TTC7B: variants seen among roughly 807,000 people sequenced by gnomAD.
TTC7B encodes the protein tetratricopeptide repeat domain 7B.
Under a neutral mutation model 106.8 loss-of-function variants are expected in TTC7B, and 28 were observed. That is an observed-to-expected ratio of 0.26 (90% CI 0.19 to 0.36). The LOEUF (loss-of-function observed/expected upper bound fraction) is 0.36. Ranked by LOEUF, TTC7B falls within the 10% of genes least tolerant of loss-of-function variation. TTC7B has a pLI of 1.00. For missense variants in TTC7B, 862 were observed against 1,076.4 expected (o/e 0.80, Z 2.79); for synonymous variants, 405 against 430.6 (o/e 0.94, Z 0.74).
At chr14:90,748,341 T>C (rs1033820871) in intron 3 of TTC7B, among the ~76,000 whole-genome samples, 2 of 152,196 alleles carry the variant, frequency 1.3e-5, no homozygotes, top group African/African-American at 4.8e-5. Context: ...TTTGTTTTGT[T>C]TGTTTGGGAC....
At chr14:90,735,479 C>G (rs1379267547) in intron 4 of TTC7B, among the ~76,000 whole-genome samples, 1 of 151,460 alleles carries the variant, frequency 6.6e-6, no homozygotes. Context: ...TGCACTCCAG[C>G]CTGGGTGACA....
intron 18 of TTC7B, among the ~76,000 whole-genome samples, chr14:90,590,075 G>T (rs1050615314): frequency 1.3e-5 from 2 of 152,186 alleles, no homozygotes; most frequent in African/African-American, 4.8e-5. Flanking sequence ...GACAGTGGTT[G>T]CCTGTGGTGG....
intron 4 of TTC7B, among the ~76,000 whole-genome samples, chr14:90,731,385 A>T (rs903354573): frequency 1.3e-5 from 2 of 152,238 alleles, no homozygotes; most frequent in African/African-American, 4.8e-5. Context: ...CAAAAGACCC[A>T]GTTGTTTGCC....
chr14:90,711,526 A>G (rs1888445921), intron 5 of TTC7B, among the ~76,000 whole-genome samples: 1 of 152,200 alleles, frequency 6.6e-6, no homozygotes, highest in African/African-American at 2.4e-5. Context: ...GGTTCAAGCA[A>G]TTCTCATGCC....
chr14:90,757,310 G>A lies in TTC7B; in HGVS notation c.446-12388C>T, dbSNP rs958255351. On this transcript the variant is annotated intron_variant, in intron 3 of 19. Transcript: ENST00000328459. This position sits in a 1 kb window ranked among gnomAD's most constrained non-coding sequence, Gnocchi z 4.1. ...AAATGAAAAGCAGTCCTGGCGCGGT[G>A]GCTCACATCTGTATTCCCAGCACTT... 3.9e-5 allele frequency among the ~76,000 whole-genome samples: 6 copies of A among 152,166 alleles called. No homozygotes were observed. The highest frequency in any genetic ancestry group is 1.4e-4 in the African/African-American group (6 of 41,422).
chr14:90,780,669 T>C (rs926956153), intron 3 of TTC7B, 69 bp downstream of exon 3: 5 of 1,536,428 alleles, frequency 3.3e-6, no homozygotes, highest in South Asian at 2.5e-5. Flanking sequence ...AAGGGTCAAA[T>C]AGGCAGCTCC....
intron 3 of TTC7B, chr14:90,767,019 T>C: frequency 1.1e-6 from 1 of 879,470 alleles, no homozygotes; most frequent in Admixed American, 3.0e-5. Context: ...TAATAAATAG[T>C]TTATATACCA....
chr14:90,605,810 A>T, intron 17 of TTC7B: 1 of 1,187,232 alleles, frequency 8.4e-7, no homozygotes, highest in Non-Finnish European at 1.1e-6. Context: ...AAACTTTAGA[A>T]ACACAAAGAA....
intron 4 of TTC7B, among the ~76,000 whole-genome samples, chr14:90,737,879 G>A (rs1200627896): frequency 6.6e-6 from 1 of 152,110 alleles, no homozygotes; most frequent in Non-Finnish European, 1.5e-5. Flanking sequence ...TCTATGAAAT[G>A]TCCAGAATAT....
intron 9 of TTC7B, among the ~76,000 whole-genome samples, chr14:90,665,429 A>G (rs753975391): frequency 2.6e-5 from 4 of 152,210 alleles, no homozygotes; most frequent in Non-Finnish European, 5.9e-5. Flanking sequence ...TAAATCAGCC[A>G]TCTCTGAGGG....
intron 5 of TTC7B, among the ~76,000 whole-genome samples, chr14:90,724,055 C>A (rs910194922): frequency 2.6e-5 from 4 of 152,170 alleles, no homozygotes; most frequent in African/African-American, 9.7e-5. Flanking sequence ...ACAGTTCTAA[C>A]TCCACACTCT....
chr14:90,619,623 C>G (rs767316894), intron 15 of TTC7B, among the ~76,000 whole-genome samples: 10 of 152,162 alleles, frequency 6.6e-5, no homozygotes, highest in Non-Finnish European at 1.2e-4. Flanking sequence ...ACGTGCCAGG[C>G]CTTGTGTTTG....
intron 3 of TTC7B, among the ~76,000 whole-genome samples, chr14:90,750,710 T>C (rs1364665194): frequency 6.6e-6 from 1 of 152,252 alleles, no homozygotes; most frequent in Non-Finnish European, 1.5e-5. Context: ...AAGTCCATTC[T>C]TGAGCAGAAG....
At chr14:90,625,160 G>A (rs959516350) in intron 15 of TTC7B, among the ~76,000 whole-genome samples, 3 of 152,212 alleles carry the variant, frequency 2.0e-5, no homozygotes, top group Non-Finnish European at 4.4e-5. Context: ...AACTTGAGAA[G>A]GCTGTTTGGC....
Position 90,608,592 on chromosome 14 carries a change from A to C in TTC7B, c.1966+2150T>G, listed in dbSNP as rs1288101002. Among the ~76,000 whole-genome samples the C allele has an allele frequency of 6.6e-6, 1 of 152,190 alleles. No homozygotes were observed. The highest frequency in any genetic ancestry group is 1.5e-5 in the Non-Finnish European group (1 of 68,042). ...CCGAGAGACTGGCTGCATCAGTACC[A>C]CTAAGCAGAGGGGGAGGAGGAAGAC... On this transcript the variant is annotated intron_variant, in intron 17 of 19. Coordinates refer to ENST00000328459, the MANE Select transcript of TTC7B (RefSeq NM_001010854.2). This position sits in a 1 kb window ranked among gnomAD's most constrained non-coding sequence, Gnocchi z 5.1.
In TTC7B at chr14:90,657,706, A is replaced by T. The variant is rs1004694490; in HGVS notation, c.1237-428T>A. 7 of 211,328 alleles carry T rather than the reference A, an allele frequency of 3.3e-5. No homozygotes were observed. The highest frequency in any genetic ancestry group is 1.6e-4 in the African/African-American group (7 of 42,900). 13.1% of individuals were successfully genotyped at this position (211,328 alleles called of 1,614,324 possible). On this transcript the variant is annotated intron_variant, in intron 10 of 19. Transcript: ENST00000328459. The surrounding 1 kb of genome is among the most constrained non-coding windows in gnomAD (Gnocchi z 4.2). Reference sequence around the variant, plus strand: ...ATTAGCAAGAAAAACAATAGCTACGACCTCTGTTGAGTGTATACACAGCAA... The same window carrying T: ...ATTAGCAAGAAAAACAATAGCTACGTCCTCTGTTGAGTGTATACACAGCAA...
At chr14:90,551,581 T>C (rs548518884) in intron 19 of TTC7B, among the ~76,000 whole-genome samples, 2 of 152,298 alleles carry the variant, frequency 1.3e-5, no homozygotes, top group Non-Finnish European at 2.9e-5. Flanking sequence ...AGGATGCCAT[T>C]GATCAGAGGG....
At chr14:90,619,476 C>T (rs1184220665) in intron 15 of TTC7B, among the ~76,000 whole-genome samples, 2 of 152,190 alleles carry the variant, frequency 1.3e-5, no homozygotes, top group African/African-American at 4.8e-5. Flanking sequence ...AGCCAAAACC[C>T]CACTTAAATA....
intron 19 of TTC7B, among the ~76,000 whole-genome samples, chr14:90,556,077 C>T (rs1483068734): frequency 1.3e-5 from 2 of 152,236 alleles, no homozygotes; most frequent in African/African-American, 2.4e-5. Flanking sequence ...GGTGCACTGA[C>T]CTAATTGAAA....
Sources: allele counts gnomAD v4.1 joint callset (sites outside exome capture counted in the v4.1 genomes callset), GRCh38; gene constraint gnomAD v4.1.1; non-coding constraint Gnocchi (gnomAD v3.1); transcripts MANE v1.5; gene names NCBI Gene and HGNC (gene_info 2026-07-23, HGNC 2026-07-21).